The following FAM81B variants were observed in gnomAD, a reference collection of about 807,000 sequenced individuals.
FAM81B encodes the protein family with sequence similarity 81 member B.
Under a neutral mutation model 58.7 loss-of-function variants are expected in FAM81B, and 60 were observed. That is an observed-to-expected ratio of 1.02 (90% CI 0.83 to 1.27). The LOEUF (loss-of-function observed/expected upper bound fraction) is 1.27. FAM81B is among the 50% of genes most tolerant of loss of function. The pLI is 0.00. For synonymous variants in FAM81B, 189 were observed against 179.6 expected (o/e 1.05, Z -0.42); for missense variants, 491 against 522.0 (o/e 0.94, Z 0.58).
Position 95,391,473 on chromosome 5 carries a change from T to G in FAM81B, c.84T>G (p.Ser28=). The G allele has an allele frequency of 6.2e-7, 1 of 1,613,534 alleles. No individual in the cohort carries two copies. Among genetic ancestry groups the G allele is most frequent in the East Asian group, 2.2e-5 (1 of 44,846 alleles). The stretch of plus-strand genomic sequence containing the variant: ...GATTGTTTTTCAAAAATATCAAATC[T>G]ACAAAAAATAAAGCTGGAAAAGCAA... ...SQRLFFKNIK[S]TKNKAGKASI... Residue 28 remains serine, a synonymous_variant, in exon 1 of 10, where the codon TCT becomes TCG. Coordinates refer to ENST00000283357, the MANE Select transcript of FAM81B (RefSeq NM_152548.3).
At chr5:95,421,980 A>G (rs9314136) in intron 5 of FAM81B, among the ~76,000 whole-genome samples, 41,251 of 151,988 alleles carry the variant, frequency 0.27, 6,188 homozygotes, top group African/African-American at 0.39. Context: ...AAAGAGAAAC[A>G]GAGTAATAAA....
In FAM81B at chr5:95,420,634, A is replaced by G. The variant is rs555612116; in HGVS notation, c.656+232A>G. ...CAGTTTGATTCCAATGGAAGCGACCAAAGTTCTGTCTTTGCAGCCTCAACC... is the reference window on the plus strand; with the variant it reads ...CAGTTTGATTCCAATGGAAGCGACCGAAGTTCTGTCTTTGCAGCCTCAACC... On this transcript the variant is annotated intron_variant, in intron 5 of 9. Coordinates refer to ENST00000283357, the MANE Select transcript of FAM81B (RefSeq NM_152548.3). Among the ~76,000 whole-genome samples, 3 of 152,358 alleles carry G rather than the reference A, an allele frequency of 2.0e-5. No homozygotes were observed. In the East Asian group the frequency reaches 5.8e-4, roughly 29 times the overall value.
At chr5:95,412,755 T>G (rs1466041709) in intron 3 of FAM81B, among the ~76,000 whole-genome samples, 1 of 152,200 alleles carries the variant, frequency 6.6e-6, no homozygotes, top group Non-Finnish European at 1.5e-5. Flanking sequence ...TGCTTTACTT[T>G]TTCCAGTCAT....
Position 95,450,431 on chromosome 5 carries a change from G to A in FAM81B, c.*149G>A. On this transcript the variant is annotated 3_prime_UTR_variant, in exon 10 of 10. Coordinates refer to ENST00000283357, the MANE Select transcript of FAM81B (RefSeq NM_152548.3). ...TGTACCAGAAAAATAATAAAGCAAAGAAGCTTCGGATGTCTTGAATTTATT... is the reference window on the plus strand; with the variant it reads ...TGTACCAGAAAAATAATAAAGCAAAAAAGCTTCGGATGTCTTGAATTTATT... The A allele has an allele frequency of 7.5e-7, 1 of 1,336,510 alleles. No individual in the cohort carries two copies. Among genetic ancestry groups the A allele is most frequent in the Non-Finnish European group, 1.0e-6 (1 of 997,958 alleles). 82.8% of individuals were successfully genotyped at this position (1,336,510 alleles called of 1,614,324 possible). A position where few individuals can be genotyped will look rare whatever the true frequency, so the allele number is the denominator to read the frequency against.
intron 3 of FAM81B, among the ~76,000 whole-genome samples, chr5:95,407,400 A>ACACG (rs1419353954): frequency 4.0e-5 from 6 of 151,020 alleles, no homozygotes; most frequent in Admixed American, 6.6e-5. Context: ...TTACACACAC[A>ACACG]CACACACACG....
At chr5:95,394,396 AC>A (rs1205386898) in intron 2 of FAM81B, among the ~76,000 whole-genome samples, 1 of 152,090 alleles carries the variant, frequency 6.6e-6, no homozygotes, top group African/African-American at 2.4e-5. Context: ...ATAAGGAGGG[AC>A]CAACCGGTTG....
chr5:95,398,855 C>T (rs1469393), intron 3 of FAM81B, among the ~76,000 whole-genome samples: 33,141 of 152,028 alleles, frequency 0.22, 3,822 homozygotes, highest in African/African-American at 0.29. Flanking sequence ...AATATTCTTA[C>T]GGTGTAGCAG....
intron 5 of FAM81B, among the ~76,000 whole-genome samples, chr5:95,426,608 C>G (rs1348946154): frequency 6.6e-6 from 1 of 152,156 alleles, no homozygotes; most frequent in Non-Finnish European, 1.5e-5. Flanking sequence ...GTTGCGCACT[C>G]CAGGAGACAT....
rs889817692 is a variant in FAM81B, at chr5:95,440,337, G to A, written c.893+3431G>A. 20 of 946,180 alleles carry A rather than the reference G, an allele frequency of 2.1e-5. No individual in the cohort carries two copies. In the Admixed American group the frequency reaches 3.6e-4, roughly 17 times the overall value. 58.6% of individuals were successfully genotyped at this position (946,180 alleles called of 1,614,324 possible). A position where few individuals can be genotyped will look rare whatever the true frequency, so the allele number is the denominator to read the frequency against. On this transcript the variant is annotated intron_variant, in intron 7 of 9. Transcript: ENST00000283357. ...AAATGCAGAACCATTGATCAATTTGGATGTAAATAATCCTGATGTTAAGGC... is the reference window on the plus strand; with the variant it reads ...AAATGCAGAACCATTGATCAATTTGAATGTAAATAATCCTGATGTTAAGGC...
chr5:95,392,182 A>T (rs1761840795), intron 1 of FAM81B, among the ~76,000 whole-genome samples: 1 of 152,220 alleles, frequency 6.6e-6, no homozygotes, highest in Non-Finnish European at 1.5e-5. Flanking sequence ...ATAAAAAAGG[A>T]TGAGTTCATG....
intron 8 of FAM81B, 54 bp downstream of exon 8, chr5:95,446,751 G>A: frequency 6.3e-7 from 1 of 1,578,638 alleles, no homozygotes; most frequent in Non-Finnish European, 8.6e-7. Context: ...CTTGTTAGCA[G>A]TGAGTAAAGG....
intron 6 of FAM81B, among the ~76,000 whole-genome samples, chr5:95,435,354 A>G (rs1472753568): frequency 6.6e-6 from 1 of 151,924 alleles, no homozygotes; most frequent in Non-Finnish European, 1.5e-5. Context: ...GTTTTAGCAC[A>G]GTGTGGAGTT....
chr5:95,392,894 G>T lies in FAM81B; in HGVS notation c.225G>T (p.Lys75Asn), dbSNP rs375187381. The change falls in exon 2 of 10, where the codon AAG (lysine) becomes AAT (asparagine). Residue 75 changes from lysine to asparagine, a missense_variant. Physicochemically the swap from Lys to Asn is moderately conservative, Grantham distance 94. Coordinates refer to ENST00000283357, the MANE Select transcript of FAM81B (RefSeq NM_152548.3). ...CTGGCTCAGACAATAACCAAGAAAAGAAAGCAAGTACTTTTCAATATTCAC... is the reference window on the plus strand; with the variant it reads ...CTGGCTCAGACAATAACCAAGAAAATAAAGCAAGTACTTTTCAATATTCAC... ...PLPGSDNNQE[K>N]KVRLSPAKMS... is the part of the protein sequence containing the mutation. The T allele has an allele frequency of 2.5e-6, 4 of 1,603,566 alleles. No homozygotes were observed. The highest frequency in any genetic ancestry group is 3.4e-6 in the Non-Finnish European group (4 of 1,175,814).
At position 95,420,319 on chromosome 5, in the gene FAM81B, G is replaced by A. The variant is rs1035234330; in HGVS notation, c.573G>A (p.Ala191=). 46 of 1,613,602 alleles carry A rather than the reference G, an allele frequency of 2.9e-5. No homozygotes were observed. Among genetic ancestry groups the A allele is most frequent in the Non-Finnish European group, 3.4e-5 (40 of 1,179,802 alleles). The change falls in exon 5 of 10, where the codon GCG becomes GCA. Residue 191 remains alanine, a synonymous_variant. Coordinates refer to ENST00000283357, the MANE Select transcript of FAM81B (RefSeq NM_152548.3). Reference sequence around the variant, plus strand: ...ACCAAATAAGAGCTCGAGATCAGGCGGCCACAGGAACTAACTTTGCAGTAC... The same window carrying A: ...ACCAAATAAGAGCTCGAGATCAGGCAGCCACAGGAACTAACTTTGCAGTAC... ...LEDQIRARDQ[A]ATGTNFAVHE...
intron 5 of FAM81B, among the ~76,000 whole-genome samples, chr5:95,427,027 C>G (rs972256865): frequency 1.6e-4 from 24 of 151,440 alleles, no homozygotes; most frequent in African/African-American, 5.1e-4. Context: ...CCAGCCTGGG[C>G]GATAGAGCAA....
intron 6 of FAM81B, among the ~76,000 whole-genome samples, chr5:95,432,029 T>A (rs1416273624): frequency 1.3e-5 from 2 of 152,064 alleles, no homozygotes; most frequent in Non-Finnish European, 2.9e-5. Flanking sequence ...ACTTTAACTG[T>A]CCTGTGTTTC....
intron 6 of FAM81B, among the ~76,000 whole-genome samples, chr5:95,436,304 G>A (rs1745098941): frequency 6.6e-6 from 1 of 152,070 alleles, no homozygotes; most frequent in Non-Finnish European, 1.5e-5. Context: ...GGAAATCTTG[G>A]GCCAGTCATG....
chr5:95,448,646 A>G (rs1280645242), intron 9 of FAM81B, 182 bp downstream of exon 9: 8 of 666,202 alleles, frequency 1.2e-5, no homozygotes, highest in African/African-American at 1.8e-5. Context: ...ATATAAATAA[A>G]TTAACTTTCT....
intron 5 of FAM81B, among the ~76,000 whole-genome samples, chr5:95,426,094 G>GTGTATATA (rs1491455240): frequency 3.0e-3 from 362 of 120,136 alleles, no homozygotes; most frequent in African/African-American, 0.01. Flanking sequence ...ATCTCTGTGT[G>GTGTATATA]TATATATATA....
Sources: gnomAD v4.1 joint callset for allele counts (sites outside exome capture counted in the v4.1 genomes callset) on GRCh38, gnomAD v4.1.1 for gene constraint, MANE v1.5 for transcripts, NCBI Gene and HGNC (gene_info 2026-07-23, HGNC 2026-07-21) for gene names.